The following ISM1 variants were observed in gnomAD, a reference collection of about 807,000 sequenced individuals.
The protein encoded by ISM1 is isthmin 1, also known as isthmin-1.
ISM1 carries 25 observed loss-of-function variants against 46.3 expected under a neutral mutation model. The ratio of observed to expected loss-of-function variants is 0.54; its 90% CI spans 0.39 to 0.75. ISM1 has a LOEUF of 0.75. Ranked by LOEUF, ISM1 falls within the 30% of genes least tolerant of loss-of-function variation. ISM1 has a pLI of 0.00. For synonymous variants in ISM1, 255 were observed against 256.7 expected (o/e 0.99, Z 0.06); for missense variants, 536 against 625.4 (o/e 0.86, Z 1.52).
Position 13,221,514 on chromosome 20 carries a change from G to T in ISM1, c.-263G>T, listed in dbSNP as rs1455341243. Reference sequence around the variant, plus strand: ...AGCGCCGGGGCTTGCTCCGCAGCCGGCTTGGACACCCCCGGCCTCGCGGTG... The same window carrying T: ...AGCGCCGGGGCTTGCTCCGCAGCCGTCTTGGACACCCCCGGCCTCGCGGTG... On this transcript the variant is annotated 5_prime_UTR_variant, in exon 1 of 6. Transcript: ENST00000262487. Among the ~76,000 whole-genome samples, 10 of 144,448 alleles carry T rather than the reference G, an allele frequency of 6.9e-5. No homozygotes were observed. Among genetic ancestry groups the T allele is most frequent in the African/African-American group, 2.5e-4 (10 of 40,284 alleles). The allele number at this position is 144,448 out of a possible 152,430, so 94.8% of individuals were successfully genotyped here.
At chr20:13,314,391 C>T in the ISM1 span, among the ~76,000 whole-genome samples, 2 of 151,756 alleles carry the variant, frequency 1.3e-5, no homozygotes, top group Admixed American at 1.3e-4. Flanking sequence ...GAAAAAACAC[C>T]TTATCTATAA....
chr20:13,292,792 T>C (rs1020301989), intron 5 of ISM1, among the ~76,000 whole-genome samples: 1 of 152,170 alleles, frequency 6.6e-6, no homozygotes, highest in East Asian at 1.9e-4. Flanking sequence ...TCAGCCTTCA[T>C]TGAGCGTCCT....
chr20:13,224,776 A>G (rs73091459), intron 1 of ISM1, among the ~76,000 whole-genome samples: 15,419 of 151,388 alleles, frequency 0.1, 876 homozygotes, highest in Middle Eastern at 0.16. Flanking sequence ...AATAGTTAAG[A>G]TTTATTAAGT....
the ISM1 span, among the ~76,000 whole-genome samples, chr20:13,307,897 AG>A: frequency 2.0e-5 from 3 of 152,244 alleles, no homozygotes; most frequent in Non-Finnish European, 4.4e-5. Flanking sequence ...TGGACAGTCC[AG>A]GGTGTGCTTT....
At chr20:13,295,745 G>A (rs930682761) in intron 5 of ISM1, among the ~76,000 whole-genome samples, 1 of 152,226 alleles carries the variant, frequency 6.6e-6, no homozygotes, top group African/African-American at 2.4e-5. Context: ...TGCTGACTGG[G>A]AATCCCAGCA....
At chr20:13,274,557 A>G (rs1452255237) in intron 2 of ISM1, among the ~76,000 whole-genome samples, 1 of 152,020 alleles carries the variant, frequency 6.6e-6, no homozygotes, top group Non-Finnish European at 1.5e-5. Flanking sequence ...CCACCCCTTC[A>G]GGCTCTGGAA....
At chr20:13,321,253 T>TTAAAA in the ISM1 span, among the ~76,000 whole-genome samples, 5 of 57,512 alleles carry the variant, frequency 8.7e-5, no homozygotes, top group African/African-American at 3.1e-4. Flanking sequence ...GTGCCCCACA[T>TTAAAA]AAAAAAAAAA....
chr20:13,277,163 C>T (rs776286254), intron 2 of ISM1, among the ~76,000 whole-genome samples: 16 of 152,068 alleles, frequency 1.1e-4, no homozygotes, highest in Non-Finnish European at 2.4e-4. Context: ...ATCATATTGA[C>T]GGTAATAGCT....
intron 1 of ISM1, among the ~76,000 whole-genome samples, chr20:13,264,654 G>A (rs1437507795): frequency 2.6e-5 from 4 of 152,138 alleles, no homozygotes; most frequent in Non-Finnish European, 5.9e-5. Flanking sequence ...CATCCACCTT[G>A]GTCACAAACA....
chr20:13,306,304 G>T, the ISM1 span, among the ~76,000 whole-genome samples: 1 of 152,114 alleles, frequency 6.6e-6, no homozygotes, highest in South Asian at 2.1e-4. Flanking sequence ...TTTCACAAAG[G>T]TCATAGCTAA....
At chr20:13,242,663 C>G (rs2039740897) in intron 1 of ISM1, among the ~76,000 whole-genome samples, 1 of 152,112 alleles carries the variant, frequency 6.6e-6, no homozygotes, top group South Asian at 2.1e-4. Context: ...AGGTGAGACT[C>G]TTTGCTCATT....
At chr20:13,270,302 C>G (rs1017214412) in intron 1 of ISM1, among the ~76,000 whole-genome samples, 4 of 152,172 alleles carry the variant, frequency 2.6e-5, no homozygotes, top group African/African-American at 9.7e-5. Context: ...TCCCAAGTAG[C>G]AGGCTAGAAG....
chr20:13,272,218 A>AT (rs1427713987), intron 2 of ISM1, among the ~76,000 whole-genome samples: 1 of 152,188 alleles, frequency 6.6e-6, no homozygotes, highest in Admixed American at 6.5e-5. Context: ...TTGATCCTTC[A>AT]TTAACTGCCT....
the ISM1 span, among the ~76,000 whole-genome samples, chr20:13,310,205 A>G: frequency 1.3e-5 from 2 of 152,236 alleles, no homozygotes; most frequent in Non-Finnish European, 2.9e-5. Flanking sequence ...AAGGTGTAGT[A>G]ATCAAAACAA....
the ISM1 span, among the ~76,000 whole-genome samples, chr20:13,324,583 A>T: frequency 6.6e-6 from 1 of 152,230 alleles, no homozygotes; most frequent in East Asian, 1.9e-4. Flanking sequence ...TTATGCCTTA[A>T]TCATGCTCAT....
intron 3 of ISM1, among the ~76,000 whole-genome samples, chr20:13,286,241 G>T (rs1425714476): frequency 6.6e-6 from 1 of 151,978 alleles, no homozygotes; most frequent in Non-Finnish European, 1.5e-5. Context: ...TCTCTGACAA[G>T]TGTGCAATTG....
intron 1 of ISM1, among the ~76,000 whole-genome samples, chr20:13,266,542 G>T (rs1253653500): frequency 6.6e-6 from 1 of 152,136 alleles, no homozygotes; most frequent in Admixed American, 6.5e-5. Flanking sequence ...TTAACTCATA[G>T]ATAGTTAACT....
intron 1 of ISM1, among the ~76,000 whole-genome samples, chr20:13,246,411 T>C (rs1277982353): frequency 2.6e-5 from 4 of 152,126 alleles, no homozygotes; most frequent in Non-Finnish European, 5.9e-5. Flanking sequence ...GAAGCATCCC[T>C]ACTGCCCACT....
At chr20:13,269,730 T>G (rs2040088801) in intron 1 of ISM1, among the ~76,000 whole-genome samples, 1 of 152,220 alleles carries the variant, frequency 6.6e-6, no homozygotes, top group Non-Finnish European at 1.5e-5. Flanking sequence ...CCAGCCACTC[T>G]CCATCATCTT....
Sources: gnomAD v4.1 joint callset for allele counts (sites outside exome capture counted in the v4.1 genomes callset) on GRCh38, gnomAD v4.1.1 for gene constraint, MANE v1.5 for transcripts, NCBI Gene and HGNC (gene_info 2026-07-23, HGNC 2026-07-21) for gene names.